The following ZBTB7B variants were observed in gnomAD, a reference collection of about 807,000 sequenced individuals.
ZBTB7B encodes the protein zinc finger and BTB domain-containing protein 7B.
Under a neutral mutation model 31.0 loss-of-function variants are expected in ZBTB7B, and 8 were observed. The observed-to-expected ratio is 0.26, with a 90% confidence interval of 0.15 to 0.47. ZBTB7B has a LOEUF of 0.47. ZBTB7B is among the 20% of genes least tolerant of loss of function. The pLI is 0.99. For missense variants in ZBTB7B, 494 were observed against 742.4 expected, an observed-to-expected ratio of 0.67 and a Z score of 3.89; for synonymous variants, 261 against 307.3, an observed-to-expected ratio of 0.85 and a Z score of 1.58.
chr1:155,005,961 TG>T (rs953663870), intron 1 of ZBTB7B, among the ~76,000 whole-genome samples: 1 of 152,004 alleles, frequency 6.6e-6, no homozygotes, highest in African/African-American at 2.4e-5. Flanking sequence ...TTTGGTGGGG[TG>T]GGGACAAGAA....
intron 1 of ZBTB7B, chr1:155,013,983 G>A (rs1659181229): frequency 1.0e-6 from 1 of 975,678 alleles, no homozygotes; most frequent in South Asian, 4.7e-5. Flanking sequence ...ATGCTTGGAA[G>A]CTGCCTTCTC....
Position 155,018,433 on chromosome 1 carries a change from G to T in ZBTB7B, c.*1748G>T. 1 of 1,088,308 alleles carries T rather than the reference G, an allele frequency of 9.2e-7. No individual in the cohort carries two copies. Among genetic ancestry groups the T allele is most frequent in the Non-Finnish European group, 1.3e-6 (1 of 762,994 alleles). The allele number at this position is 1,088,308 out of a possible 1,614,324, so 67.4% of individuals were successfully genotyped here. On this transcript the variant is annotated 3_prime_UTR_variant, in exon 3 of 3. Transcript: ENST00000535420. The stretch of plus-strand genomic sequence containing the variant: ...CCCAGTCAGTGCCTTAGGGGGAGAG[G>T]CACTCCCCCCCTCCTATTCCCTTCC...
At position 155,012,699 on chromosome 1, in the gene ZBTB7B, G is replaced by C. The variant is rs1036360824; in HGVS notation, c.-6-1956G>C. ...CTGCTCACCCAAGGTTTCTGTGCAG[G>C]AGCCCTGGCCTTGCAATGAAGAGGG... On this transcript the variant is annotated intron_variant, in intron 1 of 2. Coordinates refer to ENST00000535420, the MANE Select transcript of ZBTB7B (RefSeq NM_001256455.2). Among the ~76,000 whole-genome samples the C allele has an allele frequency of 6.1e-4, 92 of 151,942 alleles. 1 individual carries two copies. The Middle Eastern group carries it at 0.017, about 28-fold the overall frequency.
chr1:155,016,558 T>C lies in ZBTB7B; in HGVS notation c.1493T>C (p.Leu498Pro). ...NGHLDTFRLS[L>P]ARFWEQSAPT... ...CACCTGGACACCTTCCGCCTCTCTC[T>C]AGCTCGATTCTGGGAGCAGTCAGCC... The change falls in exon 3 of 3, where the codon CTA (leucine) becomes CCA (proline). Residue 498 changes from leucine to proline, a missense_variant. Leu to Pro is a moderately conservative substitution (Grantham distance 98, BLOSUM62 -3). Around this residue, in one of 5 missense-constraint regions of ZBTB7B, gnomAD observed 101 missense variants for 119.5 expected, o/e 0.85. Coordinates refer to ENST00000535420, the MANE Select transcript of ZBTB7B (RefSeq NM_001256455.2). The surrounding 1 kb of genome is among the most constrained non-coding windows in gnomAD (Gnocchi z 4.3). The C allele has an allele frequency of 6.2e-7, 1 of 1,614,036 alleles. No individual in the cohort carries two copies. The highest frequency in any genetic ancestry group is 8.5e-7 in the Non-Finnish European group (1 of 1,179,928).
intron 1 of ZBTB7B, among the ~76,000 whole-genome samples, chr1:155,007,213 G>GTCC (rs1178343753): frequency 6.6e-6 from 1 of 152,202 alleles, no homozygotes; most frequent in Non-Finnish European, 1.5e-5. Flanking sequence ...CATGCTACCT[G>GTCC]TCCTCACCTT....
Position 155,018,468 on chromosome 1 carries a change from A to C in ZBTB7B, c.*1783A>C. ...CCTCCTATTCCCTTCCCCCCACCCC[A>C]ACTCCCCCACCTCGGGTGTAAGCGA... On this transcript the variant is annotated 3_prime_UTR_variant, in exon 3 of 3. Transcript: ENST00000535420. The C allele has an allele frequency of 1.8e-5, 25 of 1,379,332 alleles. No homozygotes were observed. The highest frequency in any genetic ancestry group is 2.5e-4 in the Middle Eastern group (1 of 4,056). The allele number at this position is 1,379,332 out of a possible 1,614,324, so 85.4% of individuals were successfully genotyped here.
At chr1:155,012,045 C>T (rs1438412173) in intron 1 of ZBTB7B, among the ~76,000 whole-genome samples, 1 of 152,196 alleles carries the variant, frequency 6.6e-6, no homozygotes, top group African/African-American at 2.4e-5. Flanking sequence ...GCCTCTCCCC[C>T]TCTTTCATTG....
chr1:155,001,831 C>T (rs915606518), upstream of ZBTB7B, among the ~76,000 whole-genome samples: 9 of 142,894 alleles, frequency 6.3e-5, no homozygotes, highest in Non-Finnish European at 9.3e-5. The surrounding 1 kb of genome is among the most constrained non-coding windows in gnomAD (Gnocchi z 4.8). Context: ...CGCCCGCAGG[C>T]TCAACTCCCC....
intron 1 of ZBTB7B, among the ~76,000 whole-genome samples, chr1:155,008,606 C>T (rs1468960730): frequency 6.6e-6 from 1 of 152,200 alleles, no homozygotes; most frequent in Non-Finnish European, 1.5e-5. Flanking sequence ...TGCTCCTCCT[C>T]ATCTCTGTCC....
At chr1:155,008,975 C>G (rs1490238841) in intron 1 of ZBTB7B, among the ~76,000 whole-genome samples, 1 of 152,250 alleles carries the variant, frequency 6.6e-6, no homozygotes, top group African/African-American at 2.4e-5. Context: ...CGCCAGGCCC[C>G]TCAGCGTTCA....
chr1:155,002,513 A>G (rs1658290855), upstream of ZBTB7B: 1 of 93,640 alleles, frequency 1.1e-5, no homozygotes, highest in African/African-American at 4.2e-5. Context: ...GTTGAAGTTT[A>G]TGTCCTTATT....
rs1658467008 is a variant in ZBTB7B, at chr1:155,004,900, A to AT, written c.-7+1958dup. Among the ~76,000 whole-genome samples the AT allele has an allele frequency of 6.6e-6, 1 of 152,180 alleles. No individual in the cohort carries two copies. Among genetic ancestry groups the AT allele is most frequent in the Admixed American group, 6.5e-5 (1 of 15,290 alleles). ...TCAAAAAGGGGTTAATACCACCAGAATGGGGCTCTGGGGAAGAAAGAAGGC... is the reference window on the plus strand; with the variant it reads ...TCAAAAAGGGGTTAATACCACCAGAATTGGGGCTCTGGGGAAGAAAGAAGGC... On this transcript the variant is annotated intron_variant, in intron 1 of 2. Transcript: ENST00000535420. This position sits in a 1 kb window ranked among gnomAD's most constrained non-coding sequence, Gnocchi z 4.0.
rs1658351319 is a variant in ZBTB7B at position 155,003,339 on chromosome 1, C to G, written c.-7+396C>G. ...GAGGGAATGGAAACGCTGACGGACTCTAACTAGGACAACGCGCACCCCCCC... is the reference window on the plus strand; with the variant it reads ...GAGGGAATGGAAACGCTGACGGACTGTAACTAGGACAACGCGCACCCCCCC... On this transcript the variant is annotated intron_variant, in intron 1 of 2. Coordinates refer to ENST00000535420, the MANE Select transcript of ZBTB7B (RefSeq NM_001256455.2). This position sits in a 1 kb window ranked among gnomAD's most constrained non-coding sequence, Gnocchi z 5.8. Among the ~76,000 whole-genome samples, 1 of 134,294 alleles carries G rather than the reference C, an allele frequency of 7.4e-6. No individual in the cohort carries two copies. The highest frequency in any genetic ancestry group is 2.9e-5 in the African/African-American group (1 of 34,530). The allele number at this position is 134,294 out of a possible 152,430, so 88.1% of individuals were successfully genotyped here. A position where few individuals can be genotyped will look rare whatever the true frequency, so the allele number is the denominator to read the frequency against.
intron 1 of ZBTB7B, among the ~76,000 whole-genome samples, chr1:155,008,062 C>T (rs1419070462): frequency 3.9e-5 from 6 of 152,130 alleles, no homozygotes; most frequent in East Asian, 1.9e-4. Flanking sequence ...CCCACCCAAC[C>T]GGCCAGGGTG....
chr1:155,010,720 C>A (rs1009492124), intron 1 of ZBTB7B, among the ~76,000 whole-genome samples: 1 of 152,054 alleles, frequency 6.6e-6, no homozygotes, highest in Non-Finnish European at 1.5e-5. Context: ...AATTTCCCCA[C>A]CCCCCTGGTC....
chr1:155,007,644 A>G (rs746078779), intron 1 of ZBTB7B, among the ~76,000 whole-genome samples: 2 of 152,190 alleles, frequency 1.3e-5, no homozygotes, highest in African/African-American at 2.4e-5. Flanking sequence ...TGTAAGGCCT[A>G]GGGGCCTGGG....
Position 155,016,431 on chromosome 1 carries a change from G to T in ZBTB7B, c.1366G>T (p.Glu456Ter). 1 of 1,614,102 alleles carries T rather than the reference G, an allele frequency of 6.2e-7. No individual in the cohort carries two copies. Among genetic ancestry groups the T allele is most frequent in the Non-Finnish European group, 8.5e-7 (1 of 1,179,992 alleles). Residue 456 changes from glutamate (E) to a stop codon, truncating the protein, a stop_gained, in exon 3 of 3, where the codon GAG becomes TAG. Transcript: ENST00000535420. LOFTEE classifies it high-confidence loss of function. This position sits in a 1 kb window ranked among gnomAD's most constrained non-coding sequence, Gnocchi z 4.3. ...QRHLKGQNCL[E>*]VRTRRRRKDD... Reference sequence around the variant, plus strand: ...CCACCTCAAAGGCCAGAACTGCCTGGAGGTGCGCACCCGACGGCGCCGCAA... The same window carrying T: ...CCACCTCAAAGGCCAGAACTGCCTGTAGGTGCGCACCCGACGGCGCCGCAA...
intron 1 of ZBTB7B, among the ~76,000 whole-genome samples, chr1:155,005,855 C>G (rs1658527335): frequency 6.6e-6 from 1 of 152,242 alleles, no homozygotes; most frequent in African/African-American, 2.4e-5. Context: ...TGCCCCCTCC[C>G]CCCCACTCTT....
intron 1 of ZBTB7B, among the ~76,000 whole-genome samples, chr1:155,005,266 G>T (rs966147681): frequency 2.0e-5 from 3 of 152,130 alleles, no homozygotes; most frequent in African/African-American, 4.8e-5. Flanking sequence ...GGGGAGAGAA[G>T]CAAATGAAAG....
Sources: gnomAD v4.1 joint callset for allele counts (sites outside exome capture counted in the v4.1 genomes callset) on GRCh38, gnomAD v4.1.1 for gene constraint, gnomAD v4.1.1 regional missense constraint, Gnocchi (gnomAD v3.1) non-coding constraint, MANE v1.5 for transcripts, NCBI Gene and HGNC (gene_info 2026-07-23, HGNC 2026-07-21) for gene names.